The following TRPM3 variants were observed in gnomAD, a reference collection of about 807,000 sequenced individuals.
TRPM3 encodes the protein long transient receptor potential channel 3.
Under a neutral mutation model 181.2 loss-of-function variants are expected in TRPM3, and 77 were observed. The ratio of observed to expected loss-of-function variants is 0.42; its 90% CI spans 0.35 to 0.51. The LOEUF (loss-of-function observed/expected upper bound fraction) is 0.51. TRPM3 is among the 20% of genes least tolerant of loss of function. The pLI, the probability that TRPM3 is intolerant of heterozygous loss-of-function variation, is 0.01. For missense variants in TRPM3, 1,759 were observed against 2,196.7 expected, an observed-to-expected ratio of 0.80 and a Z score of 3.98; for synonymous variants, 745 against 796.4, an observed-to-expected ratio of 0.94 and a Z score of 1.09.
intron 1 of TRPM3, among the ~76,000 whole-genome samples, chr9:71,247,894 T>A (rs899906498): frequency 1.3e-4 from 20 of 152,170 alleles, no homozygotes; most frequent in Non-Finnish European, 2.1e-4. Context: ...AAATGATCTA[T>A]TTTACTAGCT....
At chr9:70,833,278 T>C (rs762727895) in intron 5 of TRPM3, among the ~76,000 whole-genome samples, 5 of 152,166 alleles carry the variant, frequency 3.3e-5, no homozygotes, top group Admixed American at 3.3e-4. Context: ...CCAAACAGAA[T>C]TGAATTGGAC....
intron 8 of TRPM3, among the ~76,000 whole-genome samples, chr9:70,687,242 T>C (rs1246584829): frequency 6.6e-6 from 1 of 152,226 alleles, no homozygotes; most frequent in Non-Finnish European, 1.5e-5. Context: ...ATTTTGTCTT[T>C]TTTGTGTTAT....
At chr9:71,364,349 T>A (rs1298142211) in intron 1 of TRPM3, among the ~76,000 whole-genome samples, 1 of 152,192 alleles carries the variant, frequency 6.6e-6, no homozygotes, top group African/African-American at 2.4e-5. Flanking sequence ...ATGAGACACA[T>A]GCAGTCATTG....
intron 1 of TRPM3, among the ~76,000 whole-genome samples, chr9:71,159,566 C>T (rs2076174925): frequency 6.6e-6 from 1 of 152,012 alleles, no homozygotes; most frequent in Admixed American, 6.6e-5. Context: ...TTTTATCTCC[C>T]CATCTTTTGT....
intron 8 of TRPM3, among the ~76,000 whole-genome samples, chr9:70,748,283 C>T (rs746030069): frequency 6.6e-6 from 1 of 152,132 alleles, no homozygotes; most frequent in Non-Finnish European, 1.5e-5. Context: ...CCTTATGCTG[C>T]CCTGCCCAAG....
chr9:70,564,002 T>A (rs1194132609), intron 22 of TRPM3, among the ~76,000 whole-genome samples: 1 of 152,178 alleles, frequency 6.6e-6, no homozygotes, highest in African/African-American at 2.4e-5. Context: ...TTTTCTCTGG[T>A]TGAGAACATA....
In TRPM3 at chr9:70,558,195, T is replaced by C. The variant is rs184023439; in HGVS notation, c.3224-4885A>G. Among the ~76,000 whole-genome samples, 7 of 152,218 alleles carry C rather than the reference T, an allele frequency of 4.6e-5. No individual in the cohort carries two copies. The East Asian group carries it at 1.4e-3, about 29-fold the overall frequency. ...CAAGTAGAGAAGGCCTGCCCAAGAG[T>C]GACTCTATCACAGAGAACAGAAACT... is the stretch of plus-strand genomic sequence containing the variant. On this transcript the variant is annotated intron_variant, in intron 22 of 25. Transcript: ENST00000677713.
chr9:71,105,629 G>C (rs975628842), intron 1 of TRPM3, among the ~76,000 whole-genome samples: 6 of 152,238 alleles, frequency 3.9e-5, no homozygotes, highest in African/African-American at 1.4e-4. Context: ...GGGTGTAAGG[G>C]CCAGATAGAA....
chr9:70,553,260 G>A lies in TRPM3; in HGVS notation c.3274C>T (p.Pro1092Ser). ...ATCCAAGCTCCTGTCTTGCAGGGAGGCAGCTGGATTATTTTACCATCCTCT... is the reference window on the plus strand; with the variant it reads ...ATCCAAGCTCCTGTCTTGCAGGGAGACAGCTGGATTATTTTACCATCCTCT... ...TREDGKIIQL[P>S]PCKTGAWIVP... Residue 1092 changes from proline (P) to serine (S), a missense_variant, in exon 23 of 26, where the codon CCT becomes TCT. By Grantham distance (74) the Pro-to-Ser change is moderately conservative (BLOSUM62 -1). Around this residue, in one of 8 missense-constraint regions of TRPM3, gnomAD observed 94 missense variants for 221.3 expected, o/e 0.42. Coordinates refer to ENST00000677713, the MANE Select transcript of TRPM3 (RefSeq NM_001366145.2). The A allele has an allele frequency of 6.2e-7, 1 of 1,614,156 alleles. No homozygotes were observed. Among genetic ancestry groups the A allele is most frequent in the Non-Finnish European group, 8.5e-7 (1 of 1,180,028 alleles).
At chr9:71,238,959 C>T (rs986222249) in intron 1 of TRPM3, among the ~76,000 whole-genome samples, 1 of 152,110 alleles carries the variant, frequency 6.6e-6, no homozygotes, top group Admixed American at 6.6e-5. Flanking sequence ...TACCTGCTGT[C>T]ACCAAAATAC....
intron 6 of TRPM3, among the ~76,000 whole-genome samples, chr9:70,817,293 C>T (rs1564430564): frequency 1.3e-5 from 2 of 152,186 alleles, no homozygotes; most frequent in Non-Finnish European, 2.9e-5. Flanking sequence ...AGGGCAGGGC[C>T]TCCCCTTGCT....
At chr9:71,327,604 A>G (rs972557431) in intron 1 of TRPM3, among the ~76,000 whole-genome samples, 8 of 152,230 alleles carry the variant, frequency 5.3e-5, no homozygotes, top group Admixed American at 2.6e-4. Context: ...GTATACAGTG[A>G]ATGAACTAGT....
intron 9 of TRPM3, among the ~76,000 whole-genome samples, chr9:70,656,777 T>C (rs1456455789): frequency 6.6e-6 from 1 of 152,156 alleles, no homozygotes; most frequent in South Asian, 2.1e-4. Flanking sequence ...AAATAAATTG[T>C]AGGAAAACAT....
chr9:70,822,811 C>T (rs1299283369), intron 6 of TRPM3, among the ~76,000 whole-genome samples: 1 of 149,038 alleles, frequency 6.7e-6, no homozygotes, highest in African/African-American at 2.5e-5. Context: ...CAAAGTAAGT[C>T]CCCTGGTATT....
intron 1 of TRPM3, among the ~76,000 whole-genome samples, chr9:70,946,457 ATAATAACAGCAG>A (rs1180769566): frequency 2.6e-4 from 40 of 151,658 alleles, no homozygotes; most frequent in African/African-American, 9.7e-4. Context: ...AATAATAATA[ATAATAACAGCAG>A]CAATATTCTA....
chr9:71,322,475 T>C (rs34857205), intron 1 of TRPM3, among the ~76,000 whole-genome samples: 32,150 of 152,058 alleles, frequency 0.21, 3,508 homozygotes, highest in Admixed American at 0.27. Context: ...ATTCCATAAA[T>C]AACATCTCAT....
chr9:70,566,820 G>C (rs2050714148), intron 22 of TRPM3, among the ~76,000 whole-genome samples: 1 of 152,182 alleles, frequency 6.6e-6, no homozygotes, highest in Non-Finnish European at 1.5e-5. Context: ...GGAGGGCGAA[G>C]GAAAATGCGT....
At chr9:71,115,400 T>A (rs140090717) in intron 1 of TRPM3, among the ~76,000 whole-genome samples, 1 of 152,222 alleles carries the variant, frequency 6.6e-6, no homozygotes, top group Non-Finnish European at 1.5e-5. Flanking sequence ...ATTTCATATA[T>A]CTTTCATGTG....
At chr9:71,145,376 C>T (rs1034213787) in intron 1 of TRPM3, among the ~76,000 whole-genome samples, 8 of 152,078 alleles carry the variant, frequency 5.3e-5, no homozygotes, top group African/African-American at 1.7e-4. Flanking sequence ...TTTCCTTTTC[C>T]GGTACCAAAT....
Sources: allele counts gnomAD v4.1 joint callset (sites outside exome capture counted in the v4.1 genomes callset), GRCh38; gene constraint gnomAD v4.1.1; regional missense constraint gnomAD v4.1.1; transcripts MANE v1.5; gene names NCBI Gene and HGNC (gene_info 2026-07-23, HGNC 2026-07-21).